PCDHGB1: variants seen among roughly 807,000 people sequenced by gnomAD.
PCDHGB1 encodes the protein protocadherin gamma subfamily B, 1.
PCDHGB1 carries 34 observed loss-of-function variants against 56.6 expected under a neutral mutation model. The observed-to-expected ratio is 0.60, with a 90% CI of 0.46 to 0.80. The LOEUF (loss-of-function observed/expected upper bound fraction) is 0.80. PCDHGB1 is among the 30% of genes least tolerant of loss of function. The pLI, the probability that PCDHGB1 is intolerant of heterozygous loss-of-function variation, is 0.00. For synonymous variants in PCDHGB1, 561 were observed against 505.9 expected (o/e 1.11, Z -1.46); for missense variants, 1,278 against 1,204.6 (o/e 1.06, Z -0.90).
intron 1 of PCDHGB1, chr5:141,399,141 C>G: frequency 6.2e-7 from 1 of 1,613,778 alleles, no homozygotes; most frequent in Non-Finnish European, 8.5e-7. Flanking sequence ...ATGAAAATGA[C>G]AATAGCCCAG....
chr5:141,478,718 C>T, intron 1 of PCDHGB1: 1 of 1,544,994 alleles, frequency 6.5e-7, no homozygotes, highest in East Asian at 2.4e-5. Context: ...AGATGGTGGC[C>T]TGCCAGAGTG....
chr5:141,375,344 A>G lies in PCDHGB1; in HGVS notation c.2409+22675A>G, dbSNP rs777877762. 4 of 1,613,836 alleles carry G rather than the reference A, an allele frequency of 2.5e-6. No individual in the cohort carries two copies. The Admixed American group carries it at 6.7e-5, about 27-fold the overall frequency. Reference sequence around the variant, plus strand: ...GGAAGAGGTATTCTTGTACAACATCACTGTGACAGCCACGGACAAAGGAAC... The same window carrying G: ...GGAAGAGGTATTCTTGTACAACATCGCTGTGACAGCCACGGACAAAGGAAC... On this transcript the variant is annotated intron_variant, in intron 1 of 3. Coordinates refer to ENST00000523390, the MANE Select transcript of PCDHGB1 (RefSeq NM_018922.3).
chr5:141,469,419 A>G (rs1047562022), intron 1 of PCDHGB1, among the ~76,000 whole-genome samples: 2 of 152,066 alleles, frequency 1.3e-5, no homozygotes, highest in South Asian at 2.1e-4. Flanking sequence ...TACTAAAAAT[A>G]TAAAACTTAG....
intron 1 of PCDHGB1, chr5:141,399,958 G>C: frequency 1.2e-6 from 2 of 1,612,122 alleles, no homozygotes; most frequent in Middle Eastern, 3.8e-4. Context: ...TAGCGAGCCC[G>C]GGCTCTTCAG....
intron 1 of PCDHGB1, chr5:141,357,114 C>G (rs1464879895): frequency 6.2e-7 from 1 of 1,613,822 alleles, no homozygotes; most frequent in South Asian, 1.1e-5. Context: ...GAGACGCGCT[C>G]AAGCAGAGGC....
chr5:141,393,187 A>T (rs1327222319), intron 1 of PCDHGB1: 1 of 1,613,380 alleles, frequency 6.2e-7, no homozygotes, highest in East Asian at 2.2e-5. Flanking sequence ...GAAATAATTG[A>T]TATTAACGAT....
chr5:141,414,684 AC>A (rs1561750824), intron 1 of PCDHGB1: 1 of 1,613,924 alleles, frequency 6.2e-7, no homozygotes, highest in Admixed American at 1.7e-5. Flanking sequence ...TCCAGGGGGT[AC>A]CTCTGTCCTC....
intron 1 of PCDHGB1, chr5:141,382,901 TGGC>T (rs1204971797): frequency 6.5e-7 from 1 of 1,543,194 alleles, no homozygotes; most frequent in African/African-American, 1.4e-5. Context: ...AGGACGACTA[TGGC>T]GGCTCAGCCG....
chr5:141,377,871 C>T (rs1490492398), intron 1 of PCDHGB1: 1 of 152,290 alleles, frequency 6.6e-6, no homozygotes, highest in East Asian at 1.9e-4. Flanking sequence ...AAAGACTTCT[C>T]TTATCAGAGA....
At chr5:141,361,405 G>A (rs1762001636) in intron 1 of PCDHGB1, 1 of 1,613,928 alleles carries the variant, frequency 6.2e-7, no homozygotes, top group African/African-American at 1.3e-5. Context: ...CACCATCACA[G>A]CCACCGACGG....
intron 1 of PCDHGB1, chr5:141,355,794 C>T: frequency 6.2e-7 from 1 of 1,613,452 alleles, no homozygotes; most frequent in Non-Finnish European, 8.5e-7. Context: ...TGCTGGAACG[C>T]GCTCTAGATC....
At chr5:141,421,754 A>G (rs1230343518) in intron 1 of PCDHGB1, 4 of 1,613,918 alleles carry the variant, frequency 2.5e-6, no homozygotes, top group East Asian at 2.2e-5. Context: ...CTCAGCCCTA[A>G]TAATTACTTT....
intron 1 of PCDHGB1, among the ~76,000 whole-genome samples, chr5:141,439,449 G>A (rs761506247): frequency 4.6e-5 from 7 of 152,184 alleles, no homozygotes; most frequent in Admixed American, 3.9e-4. Context: ...TATTGCGGGA[G>A]CAAGACTGCA....
intron 1 of PCDHGB1, among the ~76,000 whole-genome samples, chr5:141,382,132 C>T (rs893026262): frequency 6.6e-6 from 1 of 152,070 alleles, no homozygotes; most frequent in Non-Finnish European, 1.5e-5. Flanking sequence ...CTGGCCCCCC[C>T]TCTCATTTTT....
At chr5:141,384,012 A>G in intron 1 of PCDHGB1, 1 of 1,613,830 alleles carries the variant, frequency 6.2e-7, no homozygotes, top group Non-Finnish European at 8.5e-7. Flanking sequence ...TTTTCTACCT[A>G]CAAGACAGAG....
chr5:141,361,994 G>T, intron 1 of PCDHGB1: 6 of 1,602,934 alleles, frequency 3.7e-6, no homozygotes, highest in Non-Finnish European at 5.1e-6. Flanking sequence ...TTCAGCCTGG[G>T]GTTGCGCACG....
intron 1 of PCDHGB1, chr5:141,389,202 A>G (rs2091644944): frequency 6.2e-6 from 10 of 1,613,852 alleles, no homozygotes; most frequent in Non-Finnish European, 8.5e-6. Context: ...CACCCTGCAC[A>G]TTGGTGATGT....
chr5:141,366,812 T>G (rs1459944909), intron 1 of PCDHGB1: 6 of 1,549,614 alleles, frequency 3.9e-6, no homozygotes, highest in Non-Finnish European at 4.4e-6. Context: ...TTTTTCATGT[T>G]TCTGTCATAT....
intron 1 of PCDHGB1, among the ~76,000 whole-genome samples, chr5:141,457,415 C>T (rs185690067): frequency 3.9e-4 from 60 of 152,300 alleles, no homozygotes; most frequent in African/African-American, 1.3e-3. Flanking sequence ...CATTACCCAT[C>T]CCTTTTTCCC....
Sources: gnomAD v4.1 joint callset for allele counts (sites outside exome capture counted in the v4.1 genomes callset) on GRCh38, gnomAD v4.1.1 for gene constraint, MANE v1.5 for transcripts, NCBI Gene and HGNC (gene_info 2026-07-23, HGNC 2026-07-21) for gene names.